CPO: variants seen among roughly 807,000 people sequenced by gnomAD.
CPO encodes carboxypeptidase O, also known as metallocarboxypeptidase C.
In CPO, 43 loss-of-function variants were observed where a neutral mutation model predicts 41.2. The ratio of observed to expected loss-of-function variants is 1.04; its 90% CI spans 0.82 to 1.35. The LOEUF (loss-of-function observed/expected upper bound fraction) is 1.35, where lower values mean the gene tolerates loss of function less well. CPO is among the 40% of genes most tolerant of loss of function. The pLI, the probability that CPO is intolerant of heterozygous loss-of-function variation, is 0.00. For missense variants in CPO, 408 were observed against 451.7 expected (o/e 0.90, Z 0.88); for synonymous variants, 178 against 162.7 (o/e 1.09, Z -0.72).
rs1177958563 is a variant in CPO, at chr2:206,960,943, G to A, written c.574+1G>A. On this transcript the variant is annotated splice_donor_variant, in intron 6 of 8. Transcript: ENST00000272852. LOFTEE classifies it high-confidence loss of function. ...CGAAATTTCAATGCATCTTGGTGTA[G>A]TAAGTACATGCTTAGTAGATGAATT... The A allele has an allele frequency of 1.3e-6, 2 of 1,563,618 alleles. No homozygotes were observed. Among genetic ancestry groups the A allele is most frequent in the Non-Finnish European group, 1.8e-6 (2 of 1,133,816 alleles).
chr2:206,967,931 A>G (rs112400773), intron 7 of CPO, among the ~76,000 whole-genome samples: 1 of 152,220 alleles, frequency 6.6e-6, no homozygotes, highest in East Asian at 1.9e-4. Flanking sequence ...GTAGAGTCTG[A>G]CATAGAATGA....
chr2:206,940,845 C>T (rs189034196), intron 1 of CPO, among the ~76,000 whole-genome samples: 99 of 152,176 alleles, frequency 6.5e-4, no homozygotes, highest in Middle Eastern at 3.4e-3. Context: ...ATTGTGTGAC[C>T]TCAGCTTGTT....
intron 7 of CPO, among the ~76,000 whole-genome samples, 176 bp from the exon 8 acceptor site, chr2:206,968,087 T>C (rs1693618722): frequency 6.6e-6 from 1 of 152,116 alleles, no homozygotes; most frequent in African/African-American, 2.4e-5. Context: ...ATGGTGAAAC[T>C]GGATAAAGTG....
rs771644753 is a variant in CPO at position 206,960,919 on chromosome 2, G to A, written c.551G>A (p.Arg184Gln). 24 of 1,612,526 alleles carry A rather than the reference G, an allele frequency of 1.5e-5. No homozygotes were observed. Among genetic ancestry groups the A allele is most frequent in the South Asian group, 4.4e-5 (4 of 91,062 alleles). The change falls in exon 6 of 9, where the codon CGA becomes CAA. Residue 184 changes from arginine (R) to glutamine (Q), a missense_variant. By Grantham distance (43) the Arg-to-Gln change is conservative (BLOSUM62 1). Coordinates refer to ENST00000272852, the MANE Select transcript of CPO (RefSeq NM_173077.3). ...ACATGTTTTGGGACGGATCTCAATC[G>A]AAATTTCAATGCATCTTGGTGTAGT... The part of the protein sequence containing the change: ...NGTCFGTDLN[R>Q]NFNASWCSIG...
intron 1 of CPO, among the ~76,000 whole-genome samples, chr2:206,948,107 C>G (rs555223390): frequency 3.3e-5 from 5 of 152,274 alleles, no homozygotes; most frequent in African/African-American, 9.6e-5. Context: ...AACATGTCAA[C>G]ATAAAAATCT....
At chr2:206,947,882 T>G (rs771312731) in intron 1 of CPO, among the ~76,000 whole-genome samples, 23 of 152,168 alleles carry the variant, frequency 1.5e-4, no homozygotes, top group Non-Finnish European at 2.8e-4. Context: ...GATAATATAC[T>G]TCACACCTAT....
At chr2:206,962,359 C>CATT in intron 6 of CPO, 53 bp from the exon 7 acceptor site, 1 of 1,532,996 alleles carries the variant, frequency 6.5e-7, no homozygotes, top group Non-Finnish European at 9.0e-7. Context: ...TGCCATTGGT[C>CATT]ATTTCCAAAC....
rs930273052 is a variant in CPO, at chr2:206,963,637, CAA to C, written c.777+1024_777+1025del. ...CTGGCTTTCACTAAGCATATTATCCCAAGTTTCCTCATGTTGTAGGGTGTATC... is the reference window on the plus strand; with the variant it reads ...CTGGCTTTCACTAAGCATATTATCCCGTTTCCTCATGTTGTAGGGTGTATC... On this transcript the variant is annotated intron_variant, in intron 7 of 8. Coordinates refer to ENST00000272852, the MANE Select transcript of CPO (RefSeq NM_173077.3). Among the ~76,000 whole-genome samples the C allele has an allele frequency of 2.6e-5, 4 of 152,300 alleles. No homozygotes were observed. In the East Asian group the frequency reaches 7.7e-4, roughly 29 times the overall value.
At chr2:206,950,003 T>G (rs1693221010) in intron 2 of CPO, among the ~76,000 whole-genome samples, 1 of 152,162 alleles carries the variant, frequency 6.6e-6, no homozygotes, top group Non-Finnish European at 1.5e-5. Flanking sequence ...CAGAATTAAC[T>G]CTTATTTTTG....
intron 8 of CPO, 112 bp from the exon 9 acceptor site, chr2:206,969,062 C>T: frequency 2.7e-6 from 3 of 1,129,956 alleles, no homozygotes; most frequent in Non-Finnish European, 2.6e-6. Flanking sequence ...AGACCCTGAT[C>T]TAAAAGAGCT....
intron 7 of CPO, among the ~76,000 whole-genome samples, chr2:206,967,426 C>T (rs1280413895): frequency 6.6e-6 from 1 of 150,386 alleles, no homozygotes; most frequent in Non-Finnish European, 1.5e-5. Flanking sequence ...AGAGGGGGGT[C>T]AGAGAGAGGA....
At chr2:206,945,966 T>TAAA (rs1693137465) in intron 1 of CPO, among the ~76,000 whole-genome samples, 1 of 142,914 alleles carries the variant, frequency 7.0e-6, no homozygotes, top group African/African-American at 2.5e-5. Flanking sequence ...TTAAAAAAAT[T>TAAA]TTTTTAAATT....
chr2:206,958,729 T>G (rs1176940447), intron 4 of CPO, among the ~76,000 whole-genome samples: 5 of 36,178 alleles, frequency 1.4e-4, no homozygotes, highest in African/African-American at 3.3e-4. Context: ...AATTTTCTAG[T>G]TTTTTTTTTT....
chr2:206,947,551 T>C (rs1040198493), intron 1 of CPO, among the ~76,000 whole-genome samples: 1 of 152,162 alleles, frequency 6.6e-6, no homozygotes. Context: ...ATTGATAAGC[T>C]AGACTTCATT....
chr2:206,947,627 CAG>C (rs1338317156), intron 1 of CPO, among the ~76,000 whole-genome samples: 1 of 152,022 alleles, frequency 6.6e-6, no homozygotes, highest in Non-Finnish European at 1.5e-5. Context: ...CACAAACTGA[CAG>C]AGTATATTTT....
At chr2:206,944,627 C>T (rs1693107879) in intron 1 of CPO, among the ~76,000 whole-genome samples, 1 of 151,924 alleles carries the variant, frequency 6.6e-6, no homozygotes, top group Non-Finnish European at 1.5e-5. Flanking sequence ...ATTGTCTTTT[C>T]ATTTGGACAA....
At chr2:206,966,998 A>T (rs889862857) in intron 7 of CPO, among the ~76,000 whole-genome samples, 1 of 152,026 alleles carries the variant, frequency 6.6e-6, no homozygotes, top group Non-Finnish European at 1.5e-5. Context: ...CTAAAATGAG[A>T]CCTGTCCCTA....
At chr2:206,966,416 G>T (rs1693577640) in intron 7 of CPO, among the ~76,000 whole-genome samples, 1 of 151,994 alleles carries the variant, frequency 6.6e-6, no homozygotes, top group Admixed American at 6.6e-5. Flanking sequence ...GACTCTTAAA[G>T]AACTTCAGAA....
chr2:206,953,790 C>T (rs774244339), intron 2 of CPO, among the ~76,000 whole-genome samples: 13 of 152,220 alleles, frequency 8.5e-5, no homozygotes, highest in Non-Finnish European at 1.8e-4. Flanking sequence ...TCTGCCCTTG[C>T]GGCACACTTC....
Sources: allele counts gnomAD v4.1 joint callset (sites outside exome capture counted in the v4.1 genomes callset), GRCh38; gene constraint gnomAD v4.1.1; transcripts MANE v1.5; gene names NCBI Gene and HGNC (gene_info 2026-07-23, HGNC 2026-07-21).